EFCAB6: variants seen among roughly 807,000 people sequenced by gnomAD.
EFCAB6 encodes the protein EF-hand calcium-binding domain-containing protein 6.
A neutral mutation model predicts 169.8 loss-of-function variants in EFCAB6; 156 were observed. The observed-to-expected ratio is 0.92, with a 90% CI of 0.81 to 1.05. The LOEUF (loss-of-function observed/expected upper bound fraction) is 1.05, where lower values mean the gene tolerates loss of function less well. Among genes scored for constraint, EFCAB6 ranks in the 50% least tolerant of loss-of-function variants. The probability of loss-of-function intolerance (pLI) is 0.00; values close to 1 mark genes in which losing one functional copy is unlikely to be tolerated. For synonymous variants in EFCAB6, 698 were observed against 676.4 expected (o/e 1.03, Z -0.50); for missense variants, 1,800 against 1,829.1 (o/e 0.98, Z 0.29).
At chr22:43,727,506 T>C (rs2059781549) in intron 8 of EFCAB6, among the ~76,000 whole-genome samples, 1 of 152,134 alleles carries the variant, frequency 6.6e-6, no homozygotes, top group South Asian at 2.1e-4. Context: ...TAAAAGAAAA[T>C]ATATTTCTGT....
intron 17 of EFCAB6, among the ~76,000 whole-genome samples, chr22:43,651,985 C>G (rs1033322630): frequency 6.6e-6 from 1 of 152,148 alleles, no homozygotes; most frequent in Admixed American, 6.5e-5. Context: ...AAGGGACTTG[C>G]CTTGTCTTGG....
Position 43,772,859 on chromosome 22 carries a change from T to C in EFCAB6, c.351+33A>G, listed in dbSNP as rs375646876. On this transcript the variant is annotated intron_variant, in intron 4 of 31. Coordinates refer to ENST00000262726, the MANE Select transcript of EFCAB6 (RefSeq NM_022785.4). ...TGATCTACCTCAGCTTGTCTGGAATTGAGGGATTCTAAGTATGTACAACAT... is the reference window on the plus strand; with the variant it reads ...TGATCTACCTCAGCTTGTCTGGAATCGAGGGATTCTAAGTATGTACAACAT... The C allele has an allele frequency of 2.1e-5, 33 of 1,608,712 alleles. No individual in the cohort carries two copies. The South Asian group carries it at 3.3e-4, about 16-fold the overall frequency.
chr22:43,601,988 A>G (rs1474304511), intron 22 of EFCAB6, among the ~76,000 whole-genome samples: 2 of 152,224 alleles, frequency 1.3e-5, no homozygotes, highest in Admixed American at 6.5e-5. Flanking sequence ...CAAGGTAAGA[A>G]AAGTCCCCTT....
chr22:43,572,923 G>A lies in EFCAB6; in HGVS notation c.3420+3374C>T, dbSNP rs2049984112. ...CATGAGAGAGTGAATGAACCCACAC[G>A]ATGGAATGGCACATGCTAGATGGAA... is the stretch of plus-strand genomic sequence containing the variant. On this transcript the variant is annotated intron_variant, in intron 26 of 31. Transcript: ENST00000262726. The surrounding 1 kb of genome is among the most constrained non-coding windows in gnomAD (Gnocchi z 4.0). Among the ~76,000 whole-genome samples, 1 of 152,206 alleles carries A rather than the reference G, an allele frequency of 6.6e-6. No individual in the cohort carries two copies. Among genetic ancestry groups the A allele is most frequent in the African/African-American group, 2.4e-5 (1 of 41,442 alleles).
At chr22:43,746,044 T>C (rs1477638029) in intron 6 of EFCAB6, among the ~76,000 whole-genome samples, 1 of 152,210 alleles carries the variant, frequency 6.6e-6, no homozygotes, top group East Asian at 1.9e-4. Flanking sequence ...TACCAGCTGG[T>C]AGAGATGCGC....
chr22:43,630,316 AC>A (rs1302002304), intron 19 of EFCAB6, among the ~76,000 whole-genome samples: 3 of 152,166 alleles, frequency 2.0e-5, no homozygotes, highest in Admixed American at 6.5e-5. Context: ...TGTTTCACCC[AC>A]TAGTTGATAA....
chr22:43,574,381 G>T (rs976613767), intron 26 of EFCAB6, among the ~76,000 whole-genome samples: 1 of 151,946 alleles, frequency 6.6e-6, no homozygotes, highest in African/African-American at 2.4e-5. Flanking sequence ...CGAACCCTCC[G>T]GCTTGCCACT....
chr22:43,720,698 T>G (rs866430634), intron 8 of EFCAB6, among the ~76,000 whole-genome samples: 7 of 151,418 alleles, frequency 4.6e-5, no homozygotes, highest in Middle Eastern at 3.4e-3. Context: ...AAGAAGGACT[T>G]GTGAGGAAGT....
chr22:43,540,604 TG>T, intron 27 of EFCAB6: 1 of 1,424,166 alleles, frequency 7.0e-7, no homozygotes, highest in Non-Finnish European at 9.2e-7. Flanking sequence ...TTAATTGAAT[TG>T]GGCCCTCAGT....
chr22:43,551,046 G>C (rs1325590697), intron 27 of EFCAB6, among the ~76,000 whole-genome samples: 2 of 152,214 alleles, frequency 1.3e-5, no homozygotes, highest in African/African-American at 4.8e-5. Flanking sequence ...TAAAGTAGGA[G>C]ATAAGTTTTT....
In EFCAB6 at chr22:43,812,175, C is replaced by T. The variant is rs536446613; in HGVS notation, c.-152G>A. 5.9e-5 allele frequency: 9 copies of T among 152,290 alleles called. No individual in the cohort carries two copies. The highest frequency in any genetic ancestry group is 1.2e-4 in the Non-Finnish European group (8 of 68,088). 9.4% of individuals were successfully genotyped at this position (152,290 alleles called of 1,614,324 possible). A position where few individuals can be genotyped will look rare whatever the true frequency, so the allele number is the denominator to read the frequency against. On this transcript the variant is annotated 5_prime_UTR_variant, in exon 1 of 32. Transcript: ENST00000262726. ...CCCCGAATACAGCCTTACCGGGAACCCCTCCTCGATTCTCCGCCTAGCTGG... is the reference window on the plus strand; with the variant it reads ...CCCCGAATACAGCCTTACCGGGAACTCCTCCTCGATTCTCCGCCTAGCTGG...
rs570949736 is a variant in EFCAB6, at chr22:43,695,316, G to A, written c.1032-7735C>T. Among the ~76,000 whole-genome samples the A allele has an allele frequency of 6.6e-5, 10 of 152,072 alleles. 1 individual carries two copies. The highest frequency in any genetic ancestry group is 2.4e-4 in the African/African-American group (10 of 41,534). Reference sequence around the variant, plus strand: ...ATATTATATGCAAGATCCGAACATTGTAAACAATAAAACTTTGACTAGGAA... The same window carrying A: ...ATATTATATGCAAGATCCGAACATTATAAACAATAAAACTTTGACTAGGAA... On this transcript the variant is annotated intron_variant, in intron 10 of 31. Transcript: ENST00000262726.
chr22:43,615,778 C>T (rs2147715860), intron 21 of EFCAB6, 48 bp downstream of exon 21: 3 of 1,523,390 alleles, frequency 2.0e-6, no homozygotes, highest in Non-Finnish European at 2.7e-6. Flanking sequence ...GATCTTGAAA[C>T]ATTGAAATAG....
At chr22:43,719,082 G>A (rs1272576867) in intron 8 of EFCAB6, among the ~76,000 whole-genome samples, 1 of 152,178 alleles carries the variant, frequency 6.6e-6, no homozygotes, top group East Asian at 1.9e-4. Flanking sequence ...GGCTTGGAAG[G>A]GTGGAGAAGG....
intron 17 of EFCAB6, among the ~76,000 whole-genome samples, chr22:43,656,391 TA>T (rs745861153): frequency 2.4e-3 from 328 of 138,616 alleles, no homozygotes; most frequent in Middle Eastern, 7.4e-3. Flanking sequence ...AAACGCCATC[TA>T]AAAAAAAAAA....
At chr22:43,545,892 C>T (rs925483728) in intron 27 of EFCAB6, among the ~76,000 whole-genome samples, 3 of 152,180 alleles carry the variant, frequency 2.0e-5, no homozygotes, top group African/African-American at 4.8e-5. Flanking sequence ...CTCAGGATTT[C>T]CCCCAGATTA....
At chr22:43,621,111 CAG>C (rs1292937598) in intron 20 of EFCAB6, among the ~76,000 whole-genome samples, 4 of 144,318 alleles carry the variant, frequency 2.8e-5, no homozygotes, top group South Asian at 4.4e-4. Flanking sequence ...TTTTTTGAGA[CAG>C]AGTCTCACTC....
intron 24 of EFCAB6, among the ~76,000 whole-genome samples, chr22:43,583,829 G>T (rs1003139256): frequency 6.6e-6 from 1 of 151,852 alleles, no homozygotes; most frequent in African/African-American, 2.4e-5. Flanking sequence ...TGTGAGAAAT[G>T]AATTTCTGTT....
At position 43,671,990 on chromosome 22, in the gene EFCAB6, C is replaced by A. The variant is rs374424583; in HGVS notation, c.1623G>T (p.Thr541=). Residue 541 remains threonine, a synonymous_variant, in exon 15 of 32, where the codon ACG becomes ACT. Coordinates refer to ENST00000262726, the MANE Select transcript of EFCAB6 (RefSeq NM_022785.4). ...KIMHVFCPFL[T]NAHFIKLCSK... Reference sequence around the variant, plus strand: ...AAACTTACTTTATGAAATGTGCATTCGTTAAAAATGGACAGAAGACGTGCA... The same window carrying A: ...AAACTTACTTTATGAAATGTGCATTAGTTAAAAATGGACAGAAGACGTGCA... The A allele has an allele frequency of 3.1e-6, 5 of 1,612,536 alleles. No individual in the cohort carries two copies. Among genetic ancestry groups the A allele is most frequent in the Non-Finnish European group, 4.2e-6 (5 of 1,179,688 alleles).
Sources: gnomAD v4.1 joint callset for allele counts (sites outside exome capture counted in the v4.1 genomes callset) on GRCh38, gnomAD v4.1.1 for gene constraint, Gnocchi (gnomAD v3.1) non-coding constraint, MANE v1.5 for transcripts, NCBI Gene and HGNC (gene_info 2026-07-23, HGNC 2026-07-21) for gene names.